Variants in GLIS3 observed in about 807,000 individuals in gnomAD.
GLIS3 encodes the protein zinc finger protein GLIS3.
In GLIS3, 53 loss-of-function variants were observed where a neutral mutation model predicts 78.6. The ratio of observed to expected loss-of-function variants is 0.67; its 90% CI spans 0.54 to 0.85. The LOEUF is 0.85. Among genes scored for constraint, GLIS3 ranks in the 40% least tolerant of loss-of-function variants. The pLI, the probability that GLIS3 is intolerant of heterozygous loss-of-function variation, is 0.00. For missense variants in GLIS3, 1,703 were observed against 1,231.1 expected (o/e 1.38, Z -5.74); for synonymous variants, 684 against 509.9 (o/e 1.34, Z -4.60).
At chr9:4,443,166 C>T in the GLIS3 span, among the ~76,000 whole-genome samples, 1 of 152,306 alleles carries the variant, frequency 6.6e-6, no homozygotes, top group African/African-American at 2.4e-5. Flanking sequence ...CTCCAACTCT[C>T]ATGGAACATT....
At chr9:3,972,203 C>G (rs1451991039) in intron 4 of GLIS3, among the ~76,000 whole-genome samples, 2 of 152,164 alleles carry the variant, frequency 1.3e-5, no homozygotes, top group Admixed American at 6.5e-5. Context: ...GAAGATGAAA[C>G]TAGATATAGG....
At chr9:4,461,326 A>T in the GLIS3 span, among the ~76,000 whole-genome samples, 1 of 152,174 alleles carries the variant, frequency 6.6e-6, no homozygotes, top group Admixed American at 6.5e-5. Flanking sequence ...ATCATTTGTA[A>T]TTCTTACACA....
chr9:4,348,542 C>G (rs140224442), upstream of GLIS3: 2 of 152,192 alleles, frequency 1.3e-5, no homozygotes, highest in Non-Finnish European at 2.9e-5. Context: ...ATGGCCACAC[C>G]TACTCCAAGG....
At chr9:4,451,430 G>A in the GLIS3 span, among the ~76,000 whole-genome samples, 3 of 152,142 alleles carry the variant, frequency 2.0e-5, no homozygotes, top group Non-Finnish European at 2.9e-5. Flanking sequence ...GTCAATATTA[G>A]ACAGATCAAC....
At chr9:4,285,208 G>C (rs567451695) in intron 2 of GLIS3, among the ~76,000 whole-genome samples, 4 of 152,286 alleles carry the variant, frequency 2.6e-5, no homozygotes, top group African/African-American at 7.2e-5. Context: ...ATACAGCAAA[G>C]CTATATTTTA....
the GLIS3 span, among the ~76,000 whole-genome samples, chr9:4,380,408 A>T: frequency 6.6e-6 from 1 of 152,372 alleles, no homozygotes; most frequent in South Asian, 2.1e-4. Context: ...CTGCCCATCA[A>T]GGAAGTCAGG....
chr9:4,220,783 T>C (rs185353048), intron 2 of GLIS3, among the ~76,000 whole-genome samples: 3 of 151,872 alleles, frequency 2.0e-5, no homozygotes, highest in Admixed American at 2.0e-4. Context: ...TGAGGAACCA[T>C]TCCTCATTAA....
chr9:4,187,793 T>C (rs1817947116), intron 2 of GLIS3, among the ~76,000 whole-genome samples: 1 of 152,122 alleles, frequency 6.6e-6, no homozygotes, highest in Admixed American at 6.5e-5. Flanking sequence ...TTTGGCTCTC[T>C]GTTTGTCTGT....
At chr9:4,159,033 G>GAAAAAAAAAAAAAAA (rs1315271767) in intron 2 of GLIS3, among the ~76,000 whole-genome samples, 16 of 87,672 alleles carry the variant, frequency 1.8e-4, no homozygotes, top group African/African-American at 6.0e-4. Context: ...AGGAGAAGAA[G>GAAAAAAAAAAAAAAA]AAAAAAAAAA....
At chr9:4,268,208 T>C (rs932592894) in intron 2 of GLIS3, among the ~76,000 whole-genome samples, 5 of 151,062 alleles carry the variant, frequency 3.3e-5, no homozygotes, top group Non-Finnish European at 4.4e-5. Flanking sequence ...AGTTTTTTCA[T>C]TTGTAAAACA....
intron 4 of GLIS3, among the ~76,000 whole-genome samples, chr9:4,045,345 AT>A (rs919635439): frequency 4.7e-5 from 7 of 149,222 alleles, no homozygotes; most frequent in South Asian, 2.1e-4. Flanking sequence ...AAATGAAAAA[AT>A]TTTTTTTGAG....
intron 6 of GLIS3, among the ~76,000 whole-genome samples, chr9:3,925,119 C>G (rs1825133434): frequency 6.6e-6 from 1 of 152,092 alleles, no homozygotes; most frequent in Non-Finnish European, 1.5e-5. Context: ...TTACATTTGA[C>G]AAAATATTGT....
intron 8 of GLIS3, among the ~76,000 whole-genome samples, chr9:3,871,923 TTCA>T (rs1365865827): frequency 6.6e-6 from 1 of 152,248 alleles, no homozygotes; most frequent in African/African-American, 2.4e-5. Context: ...CTGCAAATTT[TTCA>T]AACTTCTATG....
At chr9:4,186,661 T>G (rs1443389515) in intron 2 of GLIS3, among the ~76,000 whole-genome samples, 2 of 151,358 alleles carry the variant, frequency 1.3e-5, no homozygotes, top group Non-Finnish European at 3.0e-5. Flanking sequence ...CCAGCACCTG[T>G]TGTTTCCTGA....
intron 2 of GLIS3, among the ~76,000 whole-genome samples, chr9:4,204,892 T>G (rs550741126): frequency 8.0e-4 from 112 of 139,394 alleles, no homozygotes; most frequent in African/African-American, 2.8e-3. Flanking sequence ...CTTGCCTGGG[T>G]GACAAAGCAA....
chr9:4,196,695 A>C (rs965488901), intron 2 of GLIS3, among the ~76,000 whole-genome samples: 1 of 152,172 alleles, frequency 6.6e-6, no homozygotes, highest in African/African-American at 2.4e-5. Flanking sequence ...CATCAGAAGG[A>C]GCAAACTCCA....
At chr9:4,396,384 C>T in the GLIS3 span, among the ~76,000 whole-genome samples, 1 of 152,184 alleles carries the variant, frequency 6.6e-6, no homozygotes, top group African/African-American at 2.4e-5. Context: ...CCACCTTGGC[C>T]TCCCAAAGTG....
At chr9:4,373,447 G>C in the GLIS3 span, among the ~76,000 whole-genome samples, 4 of 152,252 alleles carry the variant, frequency 2.6e-5, no homozygotes, top group East Asian at 7.7e-4. Context: ...TGATAGAGTT[G>C]ATCCACATCC....
chr9:4,233,183 G>C (rs1413284853), intron 2 of GLIS3, among the ~76,000 whole-genome samples: 1 of 152,306 alleles, frequency 6.6e-6, no homozygotes, highest in Middle Eastern at 3.4e-3. Flanking sequence ...TGACAGATGA[G>C]GTGAACCCTG....
Sources: allele counts gnomAD v4.1 joint callset (sites outside exome capture counted in the v4.1 genomes callset), GRCh38; gene constraint gnomAD v4.1.1; transcripts MANE v1.5; gene names NCBI Gene and HGNC (gene_info 2026-07-23, HGNC 2026-07-21).